Variants in C2 observed in about 807,000 individuals in gnomAD.
C2 encodes C3/C5 convertase.
Under a neutral mutation model 85.2 loss-of-function variants are expected in C2, and 64 were observed. The observed-to-expected ratio is 0.75, with a 90% CI of 0.61 to 0.92. C2 has a LOEUF of 0.92. Among genes scored for constraint, C2 ranks in the 40% least tolerant of loss-of-function variants. The pLI, the probability that C2 is intolerant of heterozygous loss-of-function variation, is 0.00. For missense variants in C2, 820 were observed against 971.6 expected, an observed-to-expected ratio of 0.84 and a Z score of 2.07; for synonymous variants, 311 against 370.8, an observed-to-expected ratio of 0.84 and a Z score of 1.85.
At position 31,935,644 on chromosome 6, in the gene C2, A is replaced by G. The variant is rs557895805; in HGVS notation, c.850-279A>G. Among the ~76,000 whole-genome samples the G allele has an allele frequency of 6.6e-6, 1 of 151,886 alleles. No individual in the cohort carries two copies. The highest frequency in any genetic ancestry group is 2.4e-5 in the African/African-American group (1 of 41,424). ...GCCACCATACCAGGCTAATTTTTGT[A>G]TTTTTAGTAGAGATGGGTTTTGCCA... On this transcript the variant is annotated intron_variant, in intron 6 of 17. Coordinates refer to ENST00000299367, the MANE Select transcript of C2 (RefSeq NM_000063.6). The surrounding 1 kb of genome is among the most constrained non-coding windows in gnomAD (Gnocchi z 4.3).
At chr6:31,918,399 C>A (rs1384183257), upstream of C2, among the ~76,000 whole-genome samples, 3 of 151,980 alleles carry the variant, frequency 2.0e-5, no homozygotes, top group Non-Finnish European at 4.4e-5. Context: ...CCAGTCCGGG[C>A]AACATACTGA....
chr6:31,927,812 A>C lies in C2; in HGVS notation c.46+14A>C. The stretch of plus-strand genomic sequence containing the variant: ...TCCTGTACCCAGGTAGGAGGCAGGG[A>C]AGGGGGAACGTCAGGGTCCTGTGTG... On this transcript the variant is annotated intron_variant, in intron 1 of 17. Coordinates refer to ENST00000299367, the MANE Select transcript of C2 (RefSeq NM_000063.6). This position sits in a 1 kb window ranked among gnomAD's most constrained non-coding sequence, Gnocchi z 4.7. 6.2e-7 allele frequency: 1 copy of C among 1,613,354 alleles called. No individual in the cohort carries two copies. The highest frequency in any genetic ancestry group is 8.5e-7 in the Non-Finnish European group (1 of 1,179,394).
In C2 at chr6:31,943,550, C is replaced by T; in HGVS notation, c.1567+23C>T. 1 of 1,605,776 alleles carries T rather than the reference C, an allele frequency of 6.2e-7. No homozygotes were observed. Among genetic ancestry groups the T allele is most frequent in the East Asian group, 2.2e-5 (1 of 44,866 alleles). On this transcript the variant is annotated intron_variant, in intron 12 of 17. Coordinates refer to ENST00000299367, the MANE Select transcript of C2 (RefSeq NM_000063.6). This position sits in a 1 kb window ranked among gnomAD's most constrained non-coding sequence, Gnocchi z 6.4. ...TGGGTAAGGCAGGGGATGCACCAGC[C>T]TCCTGATCCTGAAGCCACAGATCCT...
chr6:31,945,561 C>T lies in C2; in HGVS notation c.*204C>T, dbSNP rs969822844. Reference sequence around the variant, plus strand: ...AGGACTGCCTCGCTGCCCCACCTCCCGCTCCTTGGCCTGTCCCCAGATTCC... The same window carrying T: ...AGGACTGCCTCGCTGCCCCACCTCCTGCTCCTTGGCCTGTCCCCAGATTCC... On this transcript the variant is annotated 3_prime_UTR_variant, in exon 18 of 18. Transcript: ENST00000299367. The surrounding 1 kb of genome is among the most constrained non-coding windows in gnomAD (Gnocchi z 5.3). 3.1e-5 allele frequency: 19 copies of T among 618,360 alleles called. No individual in the cohort carries two copies. Among genetic ancestry groups the T allele is most frequent in the Non-Finnish European group, 5.2e-5 (18 of 344,038 alleles). The allele number at this position is 618,360 out of a possible 1,614,324, so 38.3% of individuals were successfully genotyped here.
At chr6:31,910,673 T>A (rs1160953030) in intron 1 of C2, among the ~76,000 whole-genome samples, 2 of 152,034 alleles carry the variant, frequency 1.3e-5, no homozygotes, top group Non-Finnish European at 2.9e-5. Flanking sequence ...AAGATTATAA[T>A]CATGTACTTT....
At chr6:31,905,653 A>C (rs1044324060) in intron 1 of C2, among the ~76,000 whole-genome samples, 5 of 152,120 alleles carry the variant, frequency 3.3e-5, no homozygotes, top group Non-Finnish European at 7.4e-5. Flanking sequence ...AAGGAAATAA[A>C]ATTTGACTAG....
intron 7 of C2, 108 bp from the exon 8 acceptor site, chr6:31,937,206 CAAAAA>C: frequency 9.8e-7 from 1 of 1,024,348 alleles, no homozygotes; most frequent in Non-Finnish European, 1.4e-6. Context: ...GAGACTCTCT[CAAAAA>C]AAAAAAAAAA....
upstream of C2, chr6:31,899,801 T>A: frequency 1.0e-6 from 1 of 989,572 alleles, no homozygotes; most frequent in South Asian, 1.6e-5. Context: ...GATGTGTGCA[T>A]CTGCTCAGCC....
At chr6:31,923,649 AT>A (rs201661801), upstream of C2, among the ~76,000 whole-genome samples, 181 of 141,006 alleles carry the variant, frequency 1.3e-3, no homozygotes, top group Admixed American at 1.4e-3. Context: ...CACCCAGCTA[AT>A]TTTTTTTTTT....
upstream of C2, among the ~76,000 whole-genome samples, chr6:31,926,727 T>C (rs1300222343): frequency 6.6e-6 from 1 of 152,170 alleles, no homozygotes; most frequent in Non-Finnish European, 1.5e-5. Context: ...CTCCATCTTC[T>C]AGGTTCAATC....
At chr6:31,929,236 A>G (rs1769523539) in intron 3 of C2, among the ~76,000 whole-genome samples, 1 of 152,144 alleles carries the variant, frequency 6.6e-6, no homozygotes, top group Non-Finnish European at 1.5e-5. Flanking sequence ...ATGCTGGGAG[A>G]GAGTCAAGTA....
At chr6:31,898,109 C>G (rs1766828782), upstream of C2, among the ~76,000 whole-genome samples, 1 of 152,174 alleles carries the variant, frequency 6.6e-6, no homozygotes, top group Admixed American at 6.5e-5. Context: ...CTCTTTCTAA[C>G]GAGCACGAAG....
At chr6:31,940,705 T>A (rs1287807978) in intron 9 of C2, among the ~76,000 whole-genome samples, 5 of 152,182 alleles carry the variant, frequency 3.3e-5, no homozygotes, top group Non-Finnish European at 5.9e-5. Flanking sequence ...CCCTTCCTCC[T>A]TAGCATCACT....
chr6:31,897,836 G>C (rs1228664700), upstream of C2: 3 of 1,043,416 alleles, frequency 2.9e-6, no homozygotes, highest in Non-Finnish European at 3.5e-6. Context: ...CCTAAGCTGG[G>C]AGCTGCAAGG....
At chr6:31,938,456 GTATATA>G (rs5875341) in intron 8 of C2, among the ~76,000 whole-genome samples, 1 of 144,258 alleles carries the variant, frequency 6.9e-6, no homozygotes, top group African/African-American at 2.5e-5. Context: ...ATATATGTAT[GTATATA>G]TATATATATG....
upstream of C2, among the ~76,000 whole-genome samples, chr6:31,915,583 T>G (rs964883483): frequency 2.0e-5 from 3 of 152,190 alleles, no homozygotes; most frequent in Non-Finnish European, 4.4e-5. Context: ...CACAACAGTT[T>G]TATTTCTCAC....
chr6:31,944,347 T>G lies in C2; in HGVS notation c.1902+121T>G. The G allele has an allele frequency of 1.3e-6, 1 of 748,998 alleles. No individual in the cohort carries two copies. The highest frequency in any genetic ancestry group is 2.4e-6 in the Non-Finnish European group (1 of 415,788). 46.4% of individuals were successfully genotyped at this position (748,998 alleles called of 1,614,324 possible). A position where few individuals can be genotyped will look rare whatever the true frequency, so the allele number is the denominator to read the frequency against. ...CGCGGGTCACCCCTCCTCCCAAGCC[T>G]CACAAACCTGCTAGGTGTCCCTGGG... On this transcript the variant is annotated intron_variant, in intron 15 of 17. Transcript: ENST00000299367. The surrounding 1 kb of genome is among the most constrained non-coding windows in gnomAD (Gnocchi z 5.1).
At chr6:31,932,496 G>C (rs1410452122) in intron 3 of C2, 1 of 243,002 alleles carries the variant, frequency 4.1e-6, no homozygotes, top group South Asian at 3.4e-5. Context: ...GGGCAGAGGT[G>C]CTCCCCACAT....
rs188795517 is a variant in C2 at position 31,933,487 on chromosome 6, G to A, written c.443-123G>A. 9.2e-3 allele frequency: 8,822 copies of A among 959,404 alleles called. 63 individuals carry two copies. The highest frequency in any genetic ancestry group is 0.011 in the Non-Finnish European group (6,872 of 623,632). The allele number at this position is 959,404 out of a possible 1,614,324, so 59.4% of individuals were successfully genotyped here. On this transcript the variant is annotated intron_variant, in intron 3 of 17. Transcript: ENST00000299367. ...TTCCCTGGGTCTCTGGGGGCTCTGG[G>A]ACAGACATGGGTGCATCCCTGGGTT...
Sources: allele counts gnomAD v4.1 joint callset (sites outside exome capture counted in the v4.1 genomes callset), GRCh38; gene constraint gnomAD v4.1.1; non-coding constraint Gnocchi (gnomAD v3.1); transcripts MANE v1.5; gene names NCBI Gene and HGNC (gene_info 2026-07-23, HGNC 2026-07-21).